The following CSMD1 variants were observed in gnomAD, a reference collection of about 807,000 sequenced individuals.
CSMD1 encodes the protein CUB and sushi domain-containing protein 1.
Under a neutral mutation model 417.5 loss-of-function variants are expected in CSMD1, and 213 were observed. The ratio of observed to expected loss-of-function variants is 0.51; its 90% CI spans 0.46 to 0.57. The LOEUF (loss-of-function observed/expected upper bound fraction) is 0.57, where lower values mean the gene tolerates loss of function less well. CSMD1 is among the 20% of genes least tolerant of loss of function. The probability of loss-of-function intolerance (pLI) is 0.00; values close to 1 mark genes in which losing one functional copy is unlikely to be tolerated. For missense variants in CSMD1, 6,923 were observed against 4,529.7 expected (o/e 1.53, Z -15.17); for synonymous variants, 2,862 against 1,736.8 (o/e 1.65, Z -16.11).
chr8:3,536,863 T>C (rs759228424), intron 10 of CSMD1, among the ~76,000 whole-genome samples: 3 of 152,214 alleles, frequency 2.0e-5, no homozygotes, highest in Non-Finnish European at 2.9e-5. Flanking sequence ...GTGGCTCAGA[T>C]AAGAATCCCA....
At chr8:3,809,263 G>A (rs1182261023) in intron 5 of CSMD1, among the ~76,000 whole-genome samples, 1 of 152,160 alleles carries the variant, frequency 6.6e-6, no homozygotes, top group Non-Finnish European at 1.5e-5. Flanking sequence ...GCTGGGTCAG[G>A]TCAGCTCCCT....
At chr8:3,470,303 T>C (rs1214074815) in intron 11 of CSMD1, among the ~76,000 whole-genome samples, 1 of 152,216 alleles carries the variant, frequency 6.6e-6, no homozygotes, top group South Asian at 2.1e-4. Context: ...GAATTTATAG[T>C]GTATAAACAC....
At chr8:4,448,975 T>A (rs73512792) in intron 2 of CSMD1, among the ~76,000 whole-genome samples, 4 of 152,284 alleles carry the variant, frequency 2.6e-5, no homozygotes, top group African/African-American at 9.6e-5. Context: ...GATCCTAAGG[T>A]ACAAATGGAT....
chr8:4,323,514 G>C (rs899426273), intron 3 of CSMD1, among the ~76,000 whole-genome samples: 2 of 151,990 alleles, frequency 1.3e-5, no homozygotes, highest in African/African-American at 4.8e-5. Context: ...CAGAAATGTT[G>C]CCTGGCATAA....
At chr8:3,376,443 C>T (rs1181934751) in intron 18 of CSMD1, among the ~76,000 whole-genome samples, 3 of 151,772 alleles carry the variant, frequency 2.0e-5, no homozygotes, top group African/African-American at 4.8e-5. Flanking sequence ...GAACATATAT[C>T]TTATTCATAA....
intron 5 of CSMD1, among the ~76,000 whole-genome samples, chr8:3,959,335 C>A (rs2740837): frequency 1.6e-4 from 24 of 151,900 alleles, no homozygotes; most frequent in Admixed American, 1.4e-3. Context: ...CCTGTCTCTA[C>A]TAAAAATACA....
intron 10 of CSMD1, among the ~76,000 whole-genome samples, chr8:3,500,037 G>A (rs1331903208): frequency 6.6e-6 from 1 of 152,044 alleles, no homozygotes; most frequent in Non-Finnish European, 1.5e-5. Context: ...AGGCATCTGG[G>A]GTGGGAGTGT....
chr8:3,360,076 C>G (rs1503282), intron 20 of CSMD1, among the ~76,000 whole-genome samples: 44,489 of 152,032 alleles, frequency 0.29, 7,053 homozygotes, highest in African/African-American at 0.42. Flanking sequence ...GGCTATGTTT[C>G]TGGAAATCTT....
intron 5 of CSMD1, among the ~76,000 whole-genome samples, chr8:3,771,857 T>G (rs1798591412): frequency 6.6e-6 from 1 of 152,096 alleles, no homozygotes; most frequent in African/African-American, 2.4e-5. Flanking sequence ...TGTCCTTGCT[T>G]TGCCCACTTT....
At chr8:4,744,210 T>C (rs1810807145) in intron 1 of CSMD1, among the ~76,000 whole-genome samples, 2 of 152,156 alleles carry the variant, frequency 1.3e-5, no homozygotes, top group African/African-American at 2.4e-5. Flanking sequence ...CGGTCACCTC[T>C]GCAGGCTCGG....
At chr8:3,778,226 G>A (rs192371174) in intron 5 of CSMD1, among the ~76,000 whole-genome samples, 2,944 of 152,138 alleles carry the variant, frequency 0.019, 54 homozygotes, top group Non-Finnish European at 0.028. Context: ...GAGGTCTGTG[G>A]AACTGACTAT....
At chr8:3,568,203 A>G (rs1010832972) in intron 10 of CSMD1, among the ~76,000 whole-genome samples, 1 of 152,222 alleles carries the variant, frequency 6.6e-6, no homozygotes, top group Non-Finnish European at 1.5e-5. Context: ...TGCCAAACAA[A>G]ACAATTGTTG....
intron 3 of CSMD1, among the ~76,000 whole-genome samples, chr8:4,351,787 C>A (rs886422589): frequency 1.3e-5 from 2 of 152,148 alleles, no homozygotes; most frequent in Admixed American, 6.5e-5. Context: ...TTATTTTGTG[C>A]ACTTGGAATC....
At chr8:4,244,697 C>G (rs1585087639) in intron 3 of CSMD1, among the ~76,000 whole-genome samples, 2 of 152,026 alleles carry the variant, frequency 1.3e-5, no homozygotes, top group Admixed American at 1.3e-4. Flanking sequence ...CACATCATTC[C>G]TCTATGTCTA....
chr8:3,050,140 C>T (rs2128988301), intron 50 of CSMD1, among the ~76,000 whole-genome samples: 1 of 151,596 alleles, frequency 6.6e-6, no homozygotes. Flanking sequence ...TGGTCTCCAC[C>T]TAAGACCAGT....
At chr8:3,529,824 GA>G (rs1797903292) in intron 10 of CSMD1, among the ~76,000 whole-genome samples, 1 of 152,100 alleles carries the variant, frequency 6.6e-6, no homozygotes, top group African/African-American at 2.4e-5. Context: ...CACTCTCAGT[GA>G]TCTGTAAGCC....
intron 5 of CSMD1, among the ~76,000 whole-genome samples, chr8:3,958,241 G>A (rs780356673): frequency 5.9e-5 from 9 of 151,732 alleles, no homozygotes; most frequent in South Asian, 4.2e-4. Context: ...GATAGACTAC[G>A]TCTTCCATCG....
intron 40 of CSMD1, among the ~76,000 whole-genome samples, chr8:3,149,762 C>G (rs1013906503): frequency 6.6e-6 from 1 of 152,184 alleles, no homozygotes; most frequent in Non-Finnish European, 1.5e-5. Context: ...ATAATTAACC[C>G]TCACCATAAC....
intron 57 of CSMD1, among the ~76,000 whole-genome samples, chr8:2,970,098 T>A (rs1317237933): frequency 1.6e-4 from 24 of 152,202 alleles, no homozygotes; most frequent in Non-Finnish European, 1.5e-5. Context: ...ATAAAATTTT[T>A]AAAAATACTT....
Sources: allele counts gnomAD v4.1 joint callset (sites outside exome capture counted in the v4.1 genomes callset), GRCh38; gene constraint gnomAD v4.1.1; transcripts MANE v1.5; gene names NCBI Gene and HGNC (gene_info 2026-07-23, HGNC 2026-07-21).